CLSTN1: variants seen among roughly 807,000 people sequenced by gnomAD.
The protein encoded by CLSTN1 is calsyntenin 1.
CLSTN1 carries 28 observed loss-of-function variants against 108.3 expected under a neutral mutation model. The observed-to-expected ratio is 0.26, with a 90% CI of 0.19 to 0.35. The LOEUF (loss-of-function observed/expected upper bound fraction) is 0.35. CLSTN1 is among the 10% of genes least tolerant of loss of function. The probability of loss-of-function intolerance (pLI) is 1.00; values close to 1 mark genes in which losing one functional copy is unlikely to be tolerated. For synonymous variants in CLSTN1, 524 were observed against 534.9 expected (o/e 0.98, Z 0.28); for missense variants, 1,157 against 1,302.6 (o/e 0.89, Z 1.72).
chr1:9,741,014 G>C lies in CLSTN1; in HGVS notation c.1519+80C>G, dbSNP rs538270707. ...CACGAGGGTAAGGCTGTAGGATACC[G>C]ATCACAGCCTGCTGCCACCAACCTA... On this transcript the variant is annotated intron_variant, in intron 10 of 18. Transcript: ENST00000377298. 14 of 1,453,892 alleles carry C rather than the reference G, an allele frequency of 9.6e-6. No individual in the cohort carries two copies. The African/African-American group carries it at 1.7e-4, about 17-fold the overall frequency. 90.1% of individuals were successfully genotyped at this position (1,453,892 alleles called of 1,614,324 possible). A position where few individuals can be genotyped will look rare whatever the true frequency, so the allele number is the denominator to read the frequency against.
chr1:9,804,299 G>A (rs1235364892), intron 1 of CLSTN1, among the ~76,000 whole-genome samples: 4 of 143,150 alleles, frequency 2.8e-5, no homozygotes, highest in African/African-American at 7.9e-5. Flanking sequence ...GGAGGCAGAA[G>A]TTGCAGTGAG....
intron 1 of CLSTN1, among the ~76,000 whole-genome samples, chr1:9,811,064 G>C (rs993553275): frequency 1.3e-5 from 2 of 152,072 alleles, no homozygotes; most frequent in African/African-American, 4.8e-5. Context: ...AAAAAGTCTA[G>C]AAAAAGACAA....
intron 7 of CLSTN1, among the ~76,000 whole-genome samples, chr1:9,745,715 T>C (rs1420648459): frequency 4.6e-5 from 7 of 151,532 alleles, no homozygotes; most frequent in Non-Finnish European, 8.8e-5. Flanking sequence ...AATACATATA[T>C]ATTCCTAGCA....
At position 9,741,000 on chromosome 1, in the gene CLSTN1, G is replaced by A. The variant is rs935918924; in HGVS notation, c.1519+94C>T. 1.9e-5 allele frequency: 26 copies of A among 1,363,526 alleles called. 1 individual carries two copies. Among genetic ancestry groups the A allele is most frequent in the Non-Finnish European group, 2.7e-5 (26 of 977,684 alleles). The allele number at this position is 1,363,526 out of a possible 1,614,324, so 84.5% of individuals were successfully genotyped here. On this transcript the variant is annotated intron_variant, in intron 10 of 18. Coordinates refer to ENST00000377298, the MANE Select transcript of CLSTN1 (RefSeq NM_001009566.3). ...GAAAAGATCCAGGACACGAGGGTAA[G>A]GCTGTAGGATACCGATCACAGCCTG...
intron 1 of CLSTN1, among the ~76,000 whole-genome samples, chr1:9,779,743 T>G (rs1309364835): frequency 4.6e-5 from 7 of 151,692 alleles, no homozygotes; most frequent in African/African-American, 7.3e-5. Context: ...TCTATGAAAA[T>G]AAACCATGCT....
chr1:9,759,141 G>A (rs1403453758), intron 2 of CLSTN1, among the ~76,000 whole-genome samples: 2 of 152,168 alleles, frequency 1.3e-5, no homozygotes. Flanking sequence ...CTTTGAATTA[G>A]GGGTCTGCAA....
At chr1:9,787,402 A>ATTTTTTT (rs70998310) in intron 1 of CLSTN1, among the ~76,000 whole-genome samples, 18 of 136,602 alleles carry the variant, frequency 1.3e-4, no homozygotes, top group East Asian at 4.4e-4. Context: ...GAGCCTTCTA[A>ATTTTTTT]TTTTTTTTTT....
At chr1:9,741,570 G>C (rs1452273640) in intron 9 of CLSTN1, among the ~76,000 whole-genome samples, 2 of 152,136 alleles carry the variant, frequency 1.3e-5, no homozygotes, top group Non-Finnish European at 2.9e-5. Flanking sequence ...ACCCTCGAAA[G>C]GGTTGAGTTA....
chr1:9,804,682 A>C (rs1447916022), intron 1 of CLSTN1, among the ~76,000 whole-genome samples: 9 of 152,032 alleles, frequency 5.9e-5, no homozygotes, highest in Admixed American at 5.2e-4. Context: ...CCGTCTCTAC[A>C]AAAAATACAA....
chr1:9,818,749 T>C lies in CLSTN1; in HGVS notation c.91+4894A>G, dbSNP rs867909260. Among the ~76,000 whole-genome samples the C allele has an allele frequency of 4.7e-4, 71 of 151,718 alleles. No individual in the cohort carries two copies. The Middle Eastern group carries it at 0.014, about 29-fold the overall frequency. On this transcript the variant is annotated intron_variant, in intron 1 of 18. Coordinates refer to ENST00000377298, the MANE Select transcript of CLSTN1 (RefSeq NM_001009566.3). ...AGCAAATCAACATTTTAAATTTCAC[T>C]TATAAAGACATATTTCTTCAAGCAA...
rs1240562395 is a variant in CLSTN1 at position 9,735,200 on chromosome 1, C to T, written c.1884-26G>A. ...CTGCCAGCAAGAAATGGGGAAGGGT[C>T]AGGGCTTTGGGAGCCGATCTTGGAG... On this transcript the variant is annotated intron_variant, in intron 13 of 18. Coordinates refer to ENST00000377298, the MANE Select transcript of CLSTN1 (RefSeq NM_001009566.3). The T allele has an allele frequency of 3.7e-6, 6 of 1,611,420 alleles. No homozygotes were observed. The Admixed American group carries it at 8.3e-5, about 22-fold the overall frequency.
rs1650298974 is a variant in CLSTN1 at position 9,730,477 on chromosome 1, A to G, written c.*31T>C. The G allele has an allele frequency of 6.3e-7, 1 of 1,590,456 alleles. No homozygotes were observed. On this transcript the variant is annotated 3_prime_UTR_variant, in exon 19 of 19. Coordinates refer to ENST00000377298, the MANE Select transcript of CLSTN1 (RefSeq NM_001009566.3). The surrounding 1 kb of genome is among the most constrained non-coding windows in gnomAD (Gnocchi z 5.6). ...GAACGGATGGCAGCAGAGTCTTCGA[A>G]AGCAGAAACCGAGGTGGCCGGGGGC... is the stretch of plus-strand genomic sequence containing the variant.
At chr1:9,744,700 C>CA in intron 7 of CLSTN1, 57 bp from the exon 8 acceptor site, 1 of 1,536,624 alleles carries the variant, frequency 6.5e-7, no homozygotes, top group Non-Finnish European at 8.7e-7. Context: ...CCGCGCACCT[C>CA]AAGCCCCCAG....
Position 9,778,733 on chromosome 1 carries a change from G to A in CLSTN1, c.92-5339C>T, listed in dbSNP as rs369204469. 8.0e-4 allele frequency among the ~76,000 whole-genome samples: 122 copies of A among 152,228 alleles called. 1 individual carries two copies. The Middle Eastern group carries it at 0.031, about 38-fold the overall frequency. Reference sequence around the variant, plus strand: ...GAGACTGGCTAAGAAGAGAATAAGGGGCCGGATGCGGTGGCTCACGCCTGT... The same window carrying A: ...GAGACTGGCTAAGAAGAGAATAAGGAGCCGGATGCGGTGGCTCACGCCTGT... On this transcript the variant is annotated intron_variant, in intron 1 of 18. Coordinates refer to ENST00000377298, the MANE Select transcript of CLSTN1 (RefSeq NM_001009566.3).
At chr1:9,753,397 C>T (rs1209730420) in intron 4 of CLSTN1, among the ~76,000 whole-genome samples, 3 of 152,148 alleles carry the variant, frequency 2.0e-5, no homozygotes, top group Non-Finnish European at 4.4e-5. Context: ...GTCCAAAGCC[C>T]TCTCTGCTAC....
At chr1:9,813,731 T>C (rs1403602742) in intron 1 of CLSTN1, among the ~76,000 whole-genome samples, 5 of 152,124 alleles carry the variant, frequency 3.3e-5, no homozygotes, top group African/African-American at 1.2e-4. Flanking sequence ...TACAAATCAT[T>C]CTGAAGTTTC....
intron 1 of CLSTN1, among the ~76,000 whole-genome samples, chr1:9,816,158 A>G (rs964479207): frequency 6.6e-6 from 1 of 152,230 alleles, no homozygotes; most frequent in African/African-American, 2.4e-5. Flanking sequence ...TATCCCTACA[A>G]GGATATATTA....
chr1:9,732,054 AAATC>A (rs962176592), intron 16 of CLSTN1, among the ~76,000 whole-genome samples, 158 bp from the exon 17 acceptor site: 9 of 151,862 alleles, frequency 5.9e-5, no homozygotes, highest in Non-Finnish European at 8.8e-5. Flanking sequence ...ACAGAAAAAA[AAATC>A]AAGAGTAAGC....
intron 15 of CLSTN1, 91 bp from the exon 16 acceptor site, chr1:9,733,637 G>A: frequency 8.0e-6 from 12 of 1,505,258 alleles, no homozygotes; most frequent in Non-Finnish European, 1.1e-5. Context: ...GGCTCAATTA[G>A]ACACCCAGGT....
Sources: gnomAD v4.1 joint callset for allele counts (sites outside exome capture counted in the v4.1 genomes callset) on GRCh38, gnomAD v4.1.1 for gene constraint, Gnocchi (gnomAD v3.1) non-coding constraint, MANE v1.5 for transcripts, NCBI Gene and HGNC (gene_info 2026-07-23, HGNC 2026-07-21) for gene names.